The following DNER variants were observed in gnomAD, a reference collection of about 807,000 sequenced individuals.
The protein encoded by DNER is delta/notch like EGF repeat containing.
A neutral mutation model predicts 78.2 loss-of-function variants in DNER; 33 were observed. That is an observed-to-expected ratio of 0.42 (90% CI 0.32 to 0.56). The LOEUF is 0.56. DNER is among the 20% of genes least tolerant of loss of function. The pLI, the probability that DNER is intolerant of heterozygous loss-of-function variation, is 0.11. For missense variants in DNER, 918 were observed against 975.3 expected, an observed-to-expected ratio of 0.94 and a Z score of 0.78; for synonymous variants, 417 against 384.8, an observed-to-expected ratio of 1.08 and a Z score of -0.98.
chr2:229,632,519 G>A (rs1209660946), intron 1 of DNER, among the ~76,000 whole-genome samples: 1 of 152,184 alleles, frequency 6.6e-6, no homozygotes, highest in African/African-American at 2.4e-5. Context: ...AAATCAAGAT[G>A]CAGATTTCAT....
At chr2:229,642,428 T>C (rs1334872233) in intron 1 of DNER, among the ~76,000 whole-genome samples, 2 of 152,062 alleles carry the variant, frequency 1.3e-5, no homozygotes, top group Non-Finnish European at 2.9e-5. Flanking sequence ...GAAAATACTA[T>C]GGGAAAAAAA....
intron 1 of DNER, among the ~76,000 whole-genome samples, chr2:229,712,693 C>A (rs1035036975): frequency 6.6e-6 from 1 of 152,154 alleles, no homozygotes; most frequent in Middle Eastern, 3.2e-3. Flanking sequence ...AGATTTTGTT[C>A]TAATGGTTAG....
intron 12 of DNER, among the ~76,000 whole-genome samples, chr2:229,360,242 T>C (rs889253197): frequency 5.3e-5 from 8 of 152,128 alleles, no homozygotes; most frequent in Non-Finnish European, 1.2e-4. Flanking sequence ...CCACTAATAA[T>C]AATTTAACCA....
intron 4 of DNER, among the ~76,000 whole-genome samples, chr2:229,568,419 G>A (rs985462409): frequency 6.6e-6 from 1 of 152,186 alleles, no homozygotes; most frequent in Non-Finnish European, 1.5e-5. Flanking sequence ...GCATAGGAGA[G>A]AGACCTGACT....
At chr2:229,619,481 G>A (rs1017543246) in intron 1 of DNER, among the ~76,000 whole-genome samples, 8 of 152,158 alleles carry the variant, frequency 5.3e-5, no homozygotes, top group African/African-American at 1.9e-4. Context: ...GAGCAACATG[G>A]AGTCAAGAAG....
intron 11 of DNER, among the ~76,000 whole-genome samples, chr2:229,387,893 T>TGTGTGTGTGTGTGTG (rs3222719): frequency 3.3e-4 from 24 of 71,960 alleles, no homozygotes; most frequent in African/African-American, 9.2e-4. Flanking sequence ...GTGTGTGTGT[T>TGTGTGTGTGTGTGTG]TTTTAATTTT....
chr2:229,540,758 G>C (rs947802265), intron 5 of DNER, among the ~76,000 whole-genome samples: 1 of 152,226 alleles, frequency 6.6e-6, no homozygotes, highest in Non-Finnish European at 1.5e-5. Context: ...GCTTCTCTCA[G>C]AGATAGGCCC....
chr2:229,536,124 T>C (rs13397967), intron 5 of DNER, among the ~76,000 whole-genome samples: 4,167 of 152,250 alleles, frequency 0.027, 201 homozygotes, highest in African/African-American at 0.095. Context: ...GCTAAAAGTT[T>C]TTCCCTCAAA....
At chr2:229,535,459 A>G (rs1328883775) in intron 5 of DNER, among the ~76,000 whole-genome samples, 1 of 152,162 alleles carries the variant, frequency 6.6e-6, no homozygotes, top group Non-Finnish European at 1.5e-5. Context: ...TACCTTGGAG[A>G]AAGCCTCCAA....
chr2:229,699,934 G>A (rs1413564967), intron 1 of DNER, among the ~76,000 whole-genome samples: 1 of 151,728 alleles, frequency 6.6e-6, no homozygotes, highest in African/African-American at 2.4e-5. Context: ...TGATACATAG[G>A]GAAAAAGAGA....
At chr2:229,368,728 A>G (rs1000664219) in intron 11 of DNER, among the ~76,000 whole-genome samples, 1 of 152,196 alleles carries the variant, frequency 6.6e-6, no homozygotes. Flanking sequence ...AAGATACATT[A>G]TTCTCTCTCC....
At chr2:229,676,560 T>A (rs1313249065) in intron 1 of DNER, among the ~76,000 whole-genome samples, 1 of 152,200 alleles carries the variant, frequency 6.6e-6, no homozygotes, top group Non-Finnish European at 1.5e-5. Flanking sequence ...CTATTTGCTC[T>A]AGTAAAGGAC....
intron 1 of DNER, among the ~76,000 whole-genome samples, chr2:229,614,780 C>A (rs1698122095): frequency 6.6e-6 from 1 of 152,216 alleles, no homozygotes; most frequent in Non-Finnish European, 1.5e-5. Flanking sequence ...CCAGTGCCCA[C>A]TTTCCTCATG....
chr2:229,581,750 T>C (rs758443767), intron 4 of DNER, among the ~76,000 whole-genome samples: 1 of 152,196 alleles, frequency 6.6e-6, no homozygotes, highest in Non-Finnish European at 1.5e-5. Flanking sequence ...CTCTCGGCAA[T>C]AAACTTTTAA....
intron 1 of DNER, among the ~76,000 whole-genome samples, chr2:229,639,975 A>G (rs113129494): frequency 1.4e-3 from 214 of 152,322 alleles, no homozygotes; most frequent in African/African-American, 4.7e-3. Context: ...TTACAAGCAT[A>G]TATTTATGAA....
intron 5 of DNER, among the ~76,000 whole-genome samples, chr2:229,520,822 T>C (rs1696080090): frequency 6.6e-6 from 1 of 152,222 alleles, no homozygotes; most frequent in African/African-American, 2.4e-5. Context: ...ATTTATTTCA[T>C]ATCCAAGTGC....
In DNER at chr2:229,379,001, T is replaced by C. The variant is rs185447963; in HGVS notation, c.1855+9264A>G. ...GGACCTGGCAGAGCCTAATCTGTAA[T>C]TAAATTTAGTTTTGATACCTTTGGC... On this transcript the variant is annotated intron_variant, in intron 11 of 12. Transcript: ENST00000341772. Among the ~76,000 whole-genome samples, 19 of 152,296 alleles carry C rather than the reference T, an allele frequency of 1.2e-4. No individual in the cohort carries two copies. In the East Asian group the frequency reaches 2.9e-3, roughly 23 times the overall value.
At chr2:229,387,133 A>ATACT (rs1459911611) in intron 11 of DNER, among the ~76,000 whole-genome samples, 2 of 152,184 alleles carry the variant, frequency 1.3e-5, no homozygotes, top group African/African-American at 4.8e-5. Context: ...ACACCATGGA[A>ATACT]TACTATGCAG....
chr2:229,608,599 T>C (rs1270208028), intron 1 of DNER, among the ~76,000 whole-genome samples: 1 of 152,058 alleles, frequency 6.6e-6, no homozygotes, highest in Non-Finnish European at 1.5e-5. Context: ...AAAAAGCAAG[T>C]TGTGAAAGGA....
Sources: allele counts gnomAD v4.1 joint callset (sites outside exome capture counted in the v4.1 genomes callset), GRCh38; gene constraint gnomAD v4.1.1; transcripts MANE v1.5; gene names NCBI Gene and HGNC (gene_info 2026-07-23, HGNC 2026-07-21).